The following CFAP20DC variants were observed in gnomAD, a reference collection of about 807,000 sequenced individuals.
The protein encoded by CFAP20DC is protein CFAP20DC.
In CFAP20DC, 84 loss-of-function variants were observed where a neutral mutation model predicts 101.7. The ratio of observed to expected loss-of-function variants is 0.83; its 90% CI spans 0.69 to 0.99. The LOEUF (loss-of-function observed/expected upper bound fraction) is 0.99, where lower values mean the gene tolerates loss of function less well. CFAP20DC is among the 50% of genes least tolerant of loss of function. CFAP20DC has a pLI of 0.00. For synonymous variants in CFAP20DC, 359 were observed against 351.2 expected (o/e 1.02, Z -0.25); for missense variants, 1,007 against 970.3 (o/e 1.04, Z -0.50).
intron 15 of CFAP20DC, among the ~76,000 whole-genome samples, chr3:58,780,464 T>C (rs1319485797): frequency 6.6e-6 from 1 of 151,910 alleles, no homozygotes; most frequent in Non-Finnish European, 1.5e-5. Context: ...TGAATGTGAA[T>C]GAATTAATGT....
intron 3 of CFAP20DC, 91 bp downstream of exon 3, chr3:59,046,138 T>C (rs1218404660): frequency 1.2e-6 from 1 of 847,210 alleles, no homozygotes; most frequent in Admixed American, 2.6e-5. Flanking sequence ...TAGATGTCAG[T>C]AGAAGTCATA....
At chr3:58,719,505 A>G (rs2067440797) in intron 3 of CFAP20DC, among the ~76,000 whole-genome samples, 1 of 152,224 alleles carries the variant, frequency 6.6e-6, no homozygotes, top group Non-Finnish European at 1.5e-5. Flanking sequence ...TTTACTTTGC[A>G]GGCATGGAAG....
chr3:58,890,359 C>T (rs1289133592), intron 6 of CFAP20DC, among the ~76,000 whole-genome samples: 1 of 140,908 alleles, frequency 7.1e-6, no homozygotes, highest in Non-Finnish European at 1.6e-5. Context: ...GGCAGAGGGG[C>T]TCCTCACTTC....
At chr3:58,784,662 T>C (rs960600708) in intron 15 of CFAP20DC, among the ~76,000 whole-genome samples, 1 of 152,116 alleles carries the variant, frequency 6.6e-6, no homozygotes, top group South Asian at 2.1e-4. Context: ...GAATGGTTTG[T>C]TTGCTTTTGG....
chr3:58,942,872 A>G (rs1674727686), intron 4 of CFAP20DC, among the ~76,000 whole-genome samples: 1 of 152,202 alleles, frequency 6.6e-6, no homozygotes, highest in South Asian at 2.1e-4. Context: ...AACCCAGGGC[A>G]CTAGAGTTTG....
rs537655151 is a variant in CFAP20DC, at chr3:58,787,690, A to C, written c.2237+18705T>G. On this transcript the variant is annotated intron_variant, in intron 15 of 16. Transcript: ENST00000482387. Reference sequence around the variant, plus strand: ...CATTCTACTATAAAGATGCACATGCATGTTTATTGCAGCACTATTTACAAT... The same window carrying C: ...CATTCTACTATAAAGATGCACATGCCTGTTTATTGCAGCACTATTTACAAT... Among the ~76,000 whole-genome samples the C allele has an allele frequency of 7.2e-4, 109 of 152,314 alleles. No individual in the cohort carries two copies. In the South Asian group the frequency reaches 8.1e-3, roughly 11 times the overall value.
chr3:58,948,325 G>C (rs1045765841), intron 4 of CFAP20DC, among the ~76,000 whole-genome samples: 4 of 152,310 alleles, frequency 2.6e-5, no homozygotes, highest in African/African-American at 9.6e-5. Context: ...AGTTTGAGTT[G>C]AAATGCCAGC....
rs1359651764 is a variant in CFAP20DC, at chr3:58,849,344, T to C, written c.1659A>G (p.Thr553=). The stretch of plus-strand genomic sequence containing the variant: ...CAGCCTTCCCCAGCAGGCTCTCTAA[T>C]GTTAACTGAGTTAACTCTGAAGGAC... The part of the protein sequence containing the change: ...TTGPSELTQL[T]LESLLGKAAK... Residue 553 remains threonine (T), a synonymous_variant, in exon 13 of 17, where the codon ACA becomes ACG. Transcript: ENST00000482387. 6 of 1,536,128 alleles carry C rather than the reference T, an allele frequency of 3.9e-6. No individual in the cohort carries two copies. The highest frequency in any genetic ancestry group is 2.7e-5 in the African/African-American group (2 of 73,164).
chr3:58,833,697 G>T (rs756258716), intron 13 of CFAP20DC, among the ~76,000 whole-genome samples: 1 of 152,170 alleles, frequency 6.6e-6, no homozygotes, highest in Non-Finnish European at 1.5e-5. Flanking sequence ...GAGTTACCAT[G>T]TGACCCAGCA....
Position 59,046,317 on chromosome 3 carries a change from A to G in CFAP20DC, c.117T>C (p.Phe39=), listed in dbSNP as rs548106598. The change falls in exon 3 of 17, where the codon TTT becomes TTC. Residue 39 remains phenylalanine, a synonymous_variant. Transcript: ENST00000482387. The part of the protein sequence containing the change: ...LGSPSVIWKE[F]DKEVKSFVFV... ...ACACAAAACTTTTAACTTCTTTATC[A>G]AACTCCTATAGAACAAAATGAAAAC... The G allele has an allele frequency of 1.3e-6, 2 of 1,522,388 alleles. No homozygotes were observed. The highest frequency in any genetic ancestry group is 2.8e-5 in the African/African-American group (2 of 72,324). 94.3% of individuals were successfully genotyped at this position (1,522,388 alleles called of 1,614,324 possible). A position where few individuals can be genotyped will look rare whatever the true frequency, so the allele number is the denominator to read the frequency against.
At chr3:58,758,975 G>T (rs954155579) in intron 15 of CFAP20DC, among the ~76,000 whole-genome samples, 1 of 152,138 alleles carries the variant, frequency 6.6e-6, no homozygotes, top group Non-Finnish European at 1.5e-5. Context: ...CTTTGCTATT[G>T]TGAATAGTGC....
At chr3:58,764,202 C>A (rs1208180778) in intron 15 of CFAP20DC, among the ~76,000 whole-genome samples, 1 of 152,192 alleles carries the variant, frequency 6.6e-6, no homozygotes, top group Non-Finnish European at 1.5e-5. Context: ...AGCTTCCCAG[C>A]TGCTTTGTTT....
intron 6 of CFAP20DC, among the ~76,000 whole-genome samples, chr3:58,895,140 T>G (rs953124694): frequency 1.4e-4 from 21 of 152,214 alleles, no homozygotes; most frequent in Admixed American, 1.2e-3. Flanking sequence ...CAGAGACATT[T>G]TCCCCATTGT....
intron 11 of CFAP20DC, among the ~76,000 whole-genome samples, chr3:58,865,223 C>T (rs2079579931): frequency 6.6e-6 from 1 of 150,628 alleles, no homozygotes; most frequent in South Asian, 2.1e-4. Flanking sequence ...ATAAAAGTAA[C>T]CAAGAGAGAT....
chr3:58,854,039 C>T (rs1472057801), intron 12 of CFAP20DC, among the ~76,000 whole-genome samples: 2 of 152,100 alleles, frequency 1.3e-5, no homozygotes, highest in Non-Finnish European at 2.9e-5. Context: ...AAGAGGAAGT[C>T]AAATTGTCCC....
intron 4 of CFAP20DC, among the ~76,000 whole-genome samples, chr3:58,986,034 C>T (rs1293143015): frequency 6.6e-6 from 1 of 152,166 alleles, no homozygotes; most frequent in Non-Finnish European, 1.5e-5. Flanking sequence ...TCACTTTTGG[C>T]TAACCATTTG....
At chr3:58,909,477 C>T (rs2083929774) in intron 6 of CFAP20DC, among the ~76,000 whole-genome samples, 1 of 151,986 alleles carries the variant, frequency 6.6e-6, no homozygotes, top group Non-Finnish European at 1.5e-5. Context: ...TTTCTAAATC[C>T]TCCATTAGCA....
rs142475459 is a variant in CFAP20DC, at chr3:58,726,599, A to G, written c.198-8971T>C. 910 of 181,302 alleles carry G rather than the reference A, an allele frequency of 5.0e-3. 8 individuals are homozygous for G. Among genetic ancestry groups the G allele is most frequent in the Non-Finnish European group, 7.0e-3 (594 of 85,286 alleles). 11.2% of individuals were successfully genotyped at this position (181,302 alleles called of 1,614,324 possible). ...CCATCAGAATAAATGAAAGTGACCCATCCCTTCCACTCACACCATCAGAAG... is the reference window on the plus strand; with the variant it reads ...CCATCAGAATAAATGAAAGTGACCCGTCCCTTCCACTCACACCATCAGAAG... On this transcript the variant is annotated intron_variant, in intron 3 of 3. Transcript: ENST00000486145.
In CFAP20DC at chr3:58,753,614, T is replaced by C. The variant is rs979746428; in HGVS notation, c.2332+155A>G. 54 of 598,292 alleles carry C rather than the reference T, an allele frequency of 9.0e-5. 1 individual carries two copies. The East Asian group carries it at 1.5e-3, about 17-fold the overall frequency. The allele number at this position is 598,292 out of a possible 1,614,324, so 37.1% of individuals were successfully genotyped here. A position where few individuals can be genotyped will look rare whatever the true frequency, so the allele number is the denominator to read the frequency against. Reference sequence around the variant, plus strand: ...CTTTTTAGTTGTAAAGAACCCATTATTCTAAAAAATGAGGCTCAGGTTACC... The same window carrying C: ...CTTTTTAGTTGTAAAGAACCCATTACTCTAAAAAATGAGGCTCAGGTTACC... On this transcript the variant is annotated intron_variant, in intron 16 of 16. Transcript: ENST00000482387.
Sources: gnomAD v4.1 joint callset for allele counts (sites outside exome capture counted in the v4.1 genomes callset) on GRCh38, gnomAD v4.1.1 for gene constraint, MANE v1.5 for transcripts, NCBI Gene and HGNC (gene_info 2026-07-23, HGNC 2026-07-21) for gene names.